The following PANK1 variants were observed in gnomAD, a reference collection of about 807,000 sequenced individuals.
The protein encoded by PANK1 is pantothenic acid kinase 1.
In PANK1, 18 loss-of-function variants were observed where a neutral mutation model predicts 40.1. The ratio of observed to expected loss-of-function variants is 0.45; its 90% confidence interval spans 0.31 to 0.67. PANK1 has a LOEUF of 0.67. Ranked by LOEUF, PANK1 falls within the 30% of genes least tolerant of loss-of-function variation. The pLI is 0.06. For synonymous variants in PANK1, 242 were observed against 237.7 expected (o/e 1.02, Z -0.17); for missense variants, 457 against 599.6 (o/e 0.76, Z 2.48).
intron 5 of PANK1, among the ~76,000 whole-genome samples, chr10:89,592,456 T>C (rs1373313496): frequency 2.0e-5 from 3 of 152,250 alleles, no homozygotes. Context: ...TTCTTCTGTA[T>C]GTATGTCACC....
chr10:89,636,585 G>T (rs1451835684), intron 1 of PANK1, among the ~76,000 whole-genome samples: 1 of 152,020 alleles, frequency 6.6e-6, no homozygotes, highest in Non-Finnish European at 1.5e-5. Flanking sequence ...CCGAGTAGCT[G>T]GGACTACAGG....
At chr10:89,617,592 C>T (rs753505633) in intron 1 of PANK1, among the ~76,000 whole-genome samples, 1 of 152,218 alleles carries the variant, frequency 6.6e-6, no homozygotes. Flanking sequence ...ACCACACCCA[C>T]TGTTAACACT....
intron 1 of PANK1, 143 bp downstream of exon 1, chr10:89,644,457 G>A (rs1202779767): frequency 4.5e-6 from 3 of 667,352 alleles, no homozygotes; most frequent in South Asian, 4.0e-5. Flanking sequence ...AATCAGTCCC[G>A]GGAACCTACT....
intron 2 of PANK1, 133 bp from the exon 3 acceptor site, chr10:89,599,638 A>G (rs887960796): frequency 2.3e-6 from 2 of 860,330 alleles, no homozygotes; most frequent in African/African-American, 3.4e-5. Flanking sequence ...AAGTTGTAAA[A>G]TCTTGCAGAT....
At chr10:89,637,684 C>A (rs1188999920) in intron 1 of PANK1, among the ~76,000 whole-genome samples, 2 of 152,198 alleles carry the variant, frequency 1.3e-5, no homozygotes, top group Non-Finnish European at 2.9e-5. Flanking sequence ...ACTGTACACA[C>A]TGTAGACTTT....
chr10:89,613,739 G>A (rs952846876), intron 1 of PANK1, among the ~76,000 whole-genome samples: 1 of 152,158 alleles, frequency 6.6e-6, no homozygotes, highest in Non-Finnish European at 1.5e-5. Context: ...TGAAAAAACT[G>A]GAAACTGGTC....
intron 1 of PANK1, among the ~76,000 whole-genome samples, chr10:89,630,490 AGTTTTTTT>A (rs1841604330): frequency 1.4e-5 from 2 of 141,624 alleles, no homozygotes; most frequent in South Asian, 4.7e-4. Flanking sequence ...TCTAATGTGC[AGTTTTTTT>A]GTTTTTTTTT....
At chr10:89,600,887 T>A (rs1455240000) in intron 2 of PANK1, among the ~76,000 whole-genome samples, 1 of 152,198 alleles carries the variant, frequency 6.6e-6, no homozygotes, top group Non-Finnish European at 1.5e-5. Flanking sequence ...TCTTTAAAAA[T>A]ATAATAGCAA....
chr10:89,624,238 A>G (rs1224338524), intron 1 of PANK1, among the ~76,000 whole-genome samples: 1 of 152,224 alleles, frequency 6.6e-6, no homozygotes, highest in African/African-American at 2.4e-5. Context: ...CCCATCTGTT[A>G]GGTGCAAGAG....
intron 1 of PANK1, among the ~76,000 whole-genome samples, chr10:89,623,571 A>G (rs917291312): frequency 2.0e-5 from 3 of 151,798 alleles, no homozygotes; most frequent in Admixed American, 6.6e-5. Context: ...TCATAATCAG[A>G]GCTATTTTTA....
chr10:89,581,036 A>G (rs142494037), downstream of PANK1: 58 of 151,830 alleles, frequency 3.8e-4, no homozygotes, highest in African/African-American at 1.4e-3. Flanking sequence ...TTAGTAATGT[A>G]CCTGTCTTCC....
intron 3 of PANK1, among the ~76,000 whole-genome samples, chr10:89,595,693 G>A (rs1227015223): frequency 3.4e-5 from 5 of 145,430 alleles, no homozygotes; most frequent in Non-Finnish European, 7.5e-5. Flanking sequence ...GGTGGCACGC[G>A]CCTGTAATCC....
chr10:89,595,805 G>A (rs867094861), intron 3 of PANK1, among the ~76,000 whole-genome samples: 27 of 103,618 alleles, frequency 2.6e-4, no homozygotes, highest in South Asian at 3.9e-4. Flanking sequence ...TGACAGAGCC[G>A]GACTCCATCT....
intron 1 of PANK1, among the ~76,000 whole-genome samples, chr10:89,617,218 C>T (rs1075374): frequency 6.6e-6 from 1 of 152,120 alleles, no homozygotes. Flanking sequence ...CCTATTCCAA[C>T]TGATAAAGTG....
In PANK1 at chr10:89,644,778, C is replaced by A. The variant is rs1016233211; in HGVS notation, c.114G>T (p.Pro38=). 3 of 1,497,356 alleles carry A rather than the reference C, an allele frequency of 2.0e-6. No individual in the cohort carries two copies. Among genetic ancestry groups the A allele is most frequent in the East Asian group, 2.7e-5 (1 of 37,424 alleles). 92.8% of individuals were successfully genotyped at this position (1,497,356 alleles called of 1,614,324 possible). A position where few individuals can be genotyped will look rare whatever the true frequency, so the allele number is the denominator to read the frequency against. The change falls in exon 1 of 7, where the codon CCG becomes CCT. Residue 38 remains proline (P), a synonymous_variant. Transcript: ENST00000307534. ...NGLLHNGFHP[P]PVQPPHVCSR... Reference sequence around the variant, plus strand: ...TGCAGACGTGCGGCGGCTGGACTGGCGGCGGATGGAAGCCGTTGTGCAGCA... The same window carrying A: ...TGCAGACGTGCGGCGGCTGGACTGGAGGCGGATGGAAGCCGTTGTGCAGCA...
chr10:89,638,239 T>C (rs2133033326), intron 1 of PANK1, among the ~76,000 whole-genome samples: 1 of 152,370 alleles, frequency 6.6e-6, no homozygotes, highest in East Asian at 1.9e-4. Context: ...AGGACTACCT[T>C]TGTATATGTG....
At chr10:89,619,258 C>G (rs564846268) in intron 1 of PANK1, among the ~76,000 whole-genome samples, 2 of 152,028 alleles carry the variant, frequency 1.3e-5, no homozygotes, top group Admixed American at 6.5e-5. Context: ...TTAAACAAAG[C>G]CTATTTCTTG....
At chr10:89,603,807 A>G (rs1288609109) in intron 2 of PANK1, among the ~76,000 whole-genome samples, 1 of 152,152 alleles carries the variant, frequency 6.6e-6, no homozygotes, top group Non-Finnish European at 1.5e-5. Context: ...CCCTCCATCA[A>G]ATGACGAAAG....
intron 1 of PANK1, among the ~76,000 whole-genome samples, chr10:89,617,999 G>A (rs940190735): frequency 1.3e-5 from 2 of 152,162 alleles, no homozygotes; most frequent in African/African-American, 2.4e-5. Context: ...AGGCTCCAAC[G>A]CAGGCATATT....
Sources: gnomAD v4.1 joint callset for allele counts (sites outside exome capture counted in the v4.1 genomes callset) on GRCh38, gnomAD v4.1.1 for gene constraint, MANE v1.5 for transcripts, NCBI Gene and HGNC (gene_info 2026-07-23, HGNC 2026-07-21) for gene names.